TEKT5: variants seen among roughly 807,000 people sequenced by gnomAD.
The protein encoded by TEKT5 is tektin-5.
A neutral mutation model predicts 48.7 loss-of-function variants in TEKT5; 52 were observed. The observed-to-expected ratio is 1.07, with a 90% CI of 0.86 to 1.35. The LOEUF (loss-of-function observed/expected upper bound fraction) is 1.35, where lower values mean the gene tolerates loss of function less well. TEKT5 is among the 40% of genes most tolerant of loss of function. The pLI is 0.00. For missense variants in TEKT5, 831 were observed against 641.6 expected (o/e 1.30, Z -3.19); for synonymous variants, 318 against 267.6 (o/e 1.19, Z -1.84).
At chr16:10,681,574 G>A (rs955629568) in intron 4 of TEKT5, among the ~76,000 whole-genome samples, 16 of 151,618 alleles carry the variant, frequency 1.1e-4, no homozygotes, top group South Asian at 4.2e-4. Context: ...TCTCCCTGCC[G>A]AGGTTGTCAC....
intron 2 of TEKT5, 149 bp downstream of exon 2, chr16:10,689,793 C>T: frequency 1.4e-6 from 1 of 698,278 alleles, no homozygotes; most frequent in Non-Finnish European, 2.4e-6. Flanking sequence ...AAATTGCAAA[C>T]TAGACCTCCA....
chr16:10,689,121 C>T, intron 3 of TEKT5, 132 bp downstream of exon 3: 1 of 599,974 alleles, frequency 1.7e-6, no homozygotes, highest in Admixed American at 3.4e-5. Flanking sequence ...GGTTGTTGAA[C>T]ATTTACCAGC....
At chr16:10,683,770 T>C (rs1229070349) in intron 3 of TEKT5, among the ~76,000 whole-genome samples, 4 of 152,164 alleles carry the variant, frequency 2.6e-5, no homozygotes, top group Admixed American at 2.6e-4. Context: ...TTTGTGTTTT[T>C]TTAGTAGAGA....
At position 10,694,417 on chromosome 16, in the gene TEKT5, A is replaced by G; in HGVS notation, c.457T>C (p.Ser153Pro). 1 of 1,614,010 alleles carries G rather than the reference A, an allele frequency of 6.2e-7. No individual in the cohort carries two copies. The highest frequency in any genetic ancestry group is 2.2e-5 in the East Asian group (1 of 44,866). ...CTGTCCAGCTCATAGCTCAGCTCTG[A>G]CTTCCAGAAGCCAATGTCCGACAGC... ...QRLSDIGFWK[S>P]ELSYELDRLL... Residue 153 changes from serine (S) to proline (P), a missense_variant, in exon 1 of 7, where the codon TCA becomes CCA. Transcript: ENST00000283025.
intron 3 of TEKT5, among the ~76,000 whole-genome samples, chr16:10,687,488 A>G (rs1396447592): frequency 2.0e-5 from 3 of 152,268 alleles, no homozygotes; most frequent in Non-Finnish European, 4.4e-5. Flanking sequence ...ACTCATGCCT[A>G]TAATCTCAGC....
chr16:10,677,089 G>C (rs1567233977), intron 4 of TEKT5, among the ~76,000 whole-genome samples: 2 of 152,200 alleles, frequency 1.3e-5, no homozygotes. Context: ...TACTTGGGAG[G>C]CGGAGGTGGG....
At chr16:10,648,904 G>T (rs542767708) in intron 5 of TEKT5, among the ~76,000 whole-genome samples, 1 of 152,160 alleles carries the variant, frequency 6.6e-6, no homozygotes, top group South Asian at 2.1e-4. Context: ...AAGTGCTGAT[G>T]GTTTTGCATT....
intron 5 of TEKT5, among the ~76,000 whole-genome samples, chr16:10,665,711 G>A (rs1898444981): frequency 6.6e-6 from 1 of 152,148 alleles, no homozygotes; most frequent in South Asian, 2.1e-4. Context: ...CCCTCATGCT[G>A]GGTCCATCCA....
At chr16:10,659,401 A>G (rs1898321268) in intron 5 of TEKT5, among the ~76,000 whole-genome samples, 1 of 152,084 alleles carries the variant, frequency 6.6e-6, no homozygotes, top group African/African-American at 2.4e-5. Context: ...TTATTTTGAG[A>G]TGGAGCCTCG....
chr16:10,655,876 G>T (rs776439653), intron 5 of TEKT5, among the ~76,000 whole-genome samples: 15 of 152,166 alleles, frequency 9.9e-5, no homozygotes, highest in Non-Finnish European at 1.9e-4. Context: ...TGCAACCCAA[G>T]ATTTATTTTA....
At chr16:10,683,645 C>T (rs1271540550) in intron 3 of TEKT5, among the ~76,000 whole-genome samples, 1 of 152,164 alleles carries the variant, frequency 6.6e-6, no homozygotes, top group Non-Finnish European at 1.5e-5. Flanking sequence ...GGCTGGAGTG[C>T]AGTGGCACGA....
At chr16:10,680,114 C>T (rs565903412) in intron 4 of TEKT5, among the ~76,000 whole-genome samples, 1 of 152,208 alleles carries the variant, frequency 6.6e-6, no homozygotes, top group Admixed American at 6.5e-5. Flanking sequence ...AAGAGAGACC[C>T]TCTGGACTCC....
chr16:10,671,569 G>A (rs1355872170), intron 5 of TEKT5: 1 of 152,220 alleles, frequency 6.6e-6, no homozygotes, highest in East Asian at 1.9e-4. Flanking sequence ...CCACTTATAT[G>A]AAGTCCATAG....
chr16:10,661,277 AT>A (rs1898365994), intron 5 of TEKT5, among the ~76,000 whole-genome samples: 1 of 152,116 alleles, frequency 6.6e-6, no homozygotes, highest in Non-Finnish European at 1.5e-5. Context: ...TGTCCATCTC[AT>A]GTAAGTCTGC....
At chr16:10,631,619 T>A (rs1897842633) in intron 6 of TEKT5, among the ~76,000 whole-genome samples, 1 of 152,120 alleles carries the variant, frequency 6.6e-6, no homozygotes, top group African/African-American at 2.4e-5. Flanking sequence ...GATGAGATCA[T>A]CCTGGATTTA....
intron 1 of TEKT5, 133 bp downstream of exon 1, chr16:10,694,177 G>T: frequency 1.3e-6 from 1 of 770,304 alleles, no homozygotes; most frequent in Non-Finnish European, 2.1e-6. Flanking sequence ...TTGTATTACT[G>T]ATCGTATTCG....
intron 5 of TEKT5, among the ~76,000 whole-genome samples, chr16:10,651,631 A>C (rs1406575038): frequency 4.6e-5 from 7 of 152,188 alleles, no homozygotes; most frequent in Non-Finnish European, 7.3e-5. Flanking sequence ...GGCTCCCTGG[A>C]TGGATAAATA....
chr16:10,685,194 C>T (rs1421644594), intron 3 of TEKT5, among the ~76,000 whole-genome samples: 2 of 152,198 alleles, frequency 1.3e-5, no homozygotes, highest in African/African-American at 4.8e-5. Context: ...CTCTCATCCT[C>T]TTCCTCACTC....
At chr16:10,649,570 G>T (rs932043131) in intron 5 of TEKT5, among the ~76,000 whole-genome samples, 2 of 151,686 alleles carry the variant, frequency 1.3e-5, no homozygotes, top group African/African-American at 4.8e-5. Context: ...GAGTAGCTAG[G>T]ACTACAGACG....
Sources: gnomAD v4.1 joint callset for allele counts (sites outside exome capture counted in the v4.1 genomes callset) on GRCh38, gnomAD v4.1.1 for gene constraint, MANE v1.5 for transcripts, NCBI Gene and HGNC (gene_info 2026-07-23, HGNC 2026-07-21) for gene names.